The following DCAKD variants were observed in gnomAD, a reference collection of about 807,000 sequenced individuals.
DCAKD encodes the protein dephospho-CoA kinase domain-containing protein.
Under a neutral mutation model 18.7 loss-of-function variants are expected in DCAKD, and 15 were observed. That is an observed-to-expected ratio of 0.80 (90% CI 0.54 to 1.24). The LOEUF (loss-of-function observed/expected upper bound fraction) is 1.24, where lower values mean the gene tolerates loss of function less well. Among genes scored for constraint, DCAKD ranks in the 50% most tolerant of loss-of-function variants. The pLI is 0.00. For synonymous variants in DCAKD, 130 were observed against 133.0 expected (o/e 0.98, Z 0.16); for missense variants, 301 against 322.0 (o/e 0.93, Z 0.50).
At chr17:45,049,489 CTT>C (rs202044633) in intron 1 of DCAKD, among the ~76,000 whole-genome samples, 1 of 140,512 alleles carries the variant, frequency 7.1e-6, no homozygotes, top group Non-Finnish European at 1.6e-5. Context: ...AAAAGTGGTT[CTT>C]TTTTTTTTTT....
upstream of DCAKD, among the ~76,000 whole-genome samples, chr17:45,053,104 A>C (rs2053739429): frequency 1.5e-5 from 2 of 133,610 alleles, no homozygotes; most frequent in Admixed American, 1.6e-4. Flanking sequence ...TGGAGGTTGC[A>C]GTGAGCCCAA....
Position 45,031,737 on chromosome 17 carries a change from G to A in DCAKD, c.317-1558C>T, listed in dbSNP as rs1435389292. ...TCAGCTATTTGGTTCACCAGCAAAGGGCTATTCAGCTGTCACATCCCTCCT... is the reference window on the plus strand; with the variant it reads ...TCAGCTATTTGGTTCACCAGCAAAGAGCTATTCAGCTGTCACATCCCTCCT... On this transcript the variant is annotated intron_variant, in intron 3 of 4. Coordinates refer to ENST00000651974, the MANE Select transcript of DCAKD (RefSeq NM_001288655.2). 5.1e-6 allele frequency: 5 copies of A among 985,248 alleles called. No individual in the cohort carries two copies. In the East Asian group the frequency reaches 5.7e-4, roughly 112 times the overall value. 61.0% of individuals were successfully genotyped at this position (985,248 alleles called of 1,614,324 possible).
In DCAKD at chr17:45,024,422, T is replaced by G; in HGVS notation, c.*11A>C. ...GATGGAGGCCTGGGGCTCCCTGCCT[T>G]GAGTGCCCCACTAGGCGTAAGGCAG... On this transcript the variant is annotated 3_prime_UTR_variant, in exon 5 of 5. Transcript: ENST00000651974. 5 of 1,586,944 alleles carry G rather than the reference T, an allele frequency of 3.2e-6. No individual in the cohort carries two copies. The highest frequency in any genetic ancestry group is 4.3e-6 in the Non-Finnish European group (5 of 1,159,716).
intron 1 of DCAKD, among the ~76,000 whole-genome samples, chr17:45,042,062 G>C (rs1399105107): frequency 7.9e-5 from 12 of 152,022 alleles, no homozygotes. Flanking sequence ...GCTGCAGTGA[G>C]CCATGACTGT....
Position 45,041,401 on chromosome 17 carries a change from C to T in DCAKD, c.-114-6402G>A, listed in dbSNP as rs530789601. 2.1e-3 allele frequency among the ~76,000 whole-genome samples: 317 copies of T among 151,970 alleles called. 2 individuals are homozygous for T. Among genetic ancestry groups the T allele is most frequent in the African/African-American group, 7.3e-3 (303 of 41,464 alleles). ...ATCTCGGCTCACTGCAACTCCGCCT[C>T]CCGGGTTCACGCCATTCTGCTGCCT... On this transcript the variant is annotated intron_variant, in intron 1 of 4. Transcript: ENST00000651974.
chr17:45,036,418 A>G (rs1225779533), intron 1 of DCAKD, among the ~76,000 whole-genome samples: 1 of 152,202 alleles, frequency 6.6e-6, no homozygotes, highest in East Asian at 1.9e-4. Context: ...CGGGAGGCTG[A>G]GGCAGGAGAA....
chr17:45,058,281 C>A (rs1567856405), intron 1 of DCAKD, among the ~76,000 whole-genome samples: 2 of 152,120 alleles, frequency 1.3e-5, no homozygotes, highest in Admixed American at 6.6e-5. Flanking sequence ...CGCCATTGCA[C>A]TCCAGCGTAG....
chr17:45,048,235 GA>G (rs112754962), intron 1 of DCAKD, among the ~76,000 whole-genome samples: 146 of 140,738 alleles, frequency 1.0e-3, no homozygotes, highest in African/African-American at 2.0e-3. Flanking sequence ...CAAAAAAATG[GA>G]AAAAAAAAAA....
At chr17:45,037,242 G>T (rs1388735352) in intron 1 of DCAKD, among the ~76,000 whole-genome samples, 1 of 152,048 alleles carries the variant, frequency 6.6e-6, no homozygotes, top group Non-Finnish European at 1.5e-5. Flanking sequence ...GAGGCAGGAG[G>T]ATTGCTTGAG....
intron 1 of DCAKD, among the ~76,000 whole-genome samples, chr17:45,037,496 G>T (rs558484535): frequency 6.6e-6 from 1 of 151,580 alleles, no homozygotes; most frequent in Non-Finnish European, 1.5e-5. Context: ...CACTCTTGTC[G>T]TTGCCCAGGC....
chr17:45,040,283 A>C lies in DCAKD; in HGVS notation c.-114-5284T>G, dbSNP rs189010468. ...ATGCCTGTAATCCCAGCTACTCGGG[A>C]GACTGAGGCAGGAGAATTGCTTGAA... is the stretch of plus-strand genomic sequence containing the variant. On this transcript the variant is annotated intron_variant, in intron 1 of 4. Transcript: ENST00000651974. Among the ~76,000 whole-genome samples the C allele has an allele frequency of 4.3e-3, 656 of 151,244 alleles. 1 individual carries two copies. The highest frequency in any genetic ancestry group is 0.016 in the African/African-American group (640 of 41,214).
Position 45,035,008 on chromosome 17 carries a change from G to A in DCAKD, c.-114-9C>T. On this transcript the variant is annotated splice_polypyrimidine_tract_variant and intron_variant, in intron 1 of 4. Transcript: ENST00000651974. ...AGGAGTGCCAGAAGGACCTGCTTGG[G>A]AGAGGCCAGCGGGACTGATCAGTTT... 1 of 980,848 alleles carries A rather than the reference G, an allele frequency of 1.0e-6. No individual in the cohort carries two copies. Among genetic ancestry groups the A allele is most frequent in the Non-Finnish European group, 1.6e-6 (1 of 639,866 alleles). The allele number at this position is 980,848 out of a possible 1,614,324, so 60.8% of individuals were successfully genotyped here. A position where few individuals can be genotyped will look rare whatever the true frequency, so the allele number is the denominator to read the frequency against.
chr17:45,032,191 G>A (rs1057310900), intron 3 of DCAKD: 2 of 897,646 alleles, frequency 2.2e-6, no homozygotes, highest in South Asian at 1.0e-4. Context: ...TGGGGGACGG[G>A]AAGGACACTG....
chr17:45,034,519 G>T, intron 2 of DCAKD, 129 bp from the exon 3 acceptor site: 1 of 1,082,210 alleles, frequency 9.2e-7, no homozygotes, highest in Non-Finnish European at 1.3e-6. Flanking sequence ...GCAAAATGAG[G>T]GTAGAGAAAG....
At chr17:45,034,745 C>A (rs773364796) in intron 2 of DCAKD, 29 bp downstream of exon 2, 2 of 1,607,296 alleles carry the variant, frequency 1.2e-6, no homozygotes, top group Admixed American at 3.4e-5. Context: ...CTGCTGTGCA[C>A]GGCCCCCCAA....
intron 3 of DCAKD, among the ~76,000 whole-genome samples, chr17:45,032,369 T>C (rs1229038249): frequency 2.0e-5 from 3 of 150,740 alleles, no homozygotes; most frequent in Non-Finnish European, 4.4e-5. Flanking sequence ...GTCAGCATCA[T>C]GGATGTCTGT....
intron 3 of DCAKD, chr17:45,031,961 A>C: frequency 5.1e-6 from 5 of 985,434 alleles, no homozygotes; most frequent in Non-Finnish European, 6.0e-6. Flanking sequence ...ATCGAGCTCA[A>C]AAGGGCTCTC....
At chr17:45,025,234 C>G (rs770156133) in intron 4 of DCAKD, among the ~76,000 whole-genome samples, 1 of 152,084 alleles carries the variant, frequency 6.6e-6, no homozygotes, top group Non-Finnish European at 1.5e-5. Context: ...CTTGGGCCAT[C>G]ACAGAGACCC....
chr17:45,035,001 T>C lies in DCAKD; in HGVS notation c.-116A>G, dbSNP rs1003187575. On this transcript the variant is annotated splice_region_variant and 5_prime_UTR_variant, in exon 2 of 5. Transcript: ENST00000310604. ...CCACCAGAGGAGTGCCAGAAGGACCTGCTTGGGAGAGGCCAGCGGGACTGA... is the reference window on the plus strand; with the variant it reads ...CCACCAGAGGAGTGCCAGAAGGACCCGCTTGGGAGAGGCCAGCGGGACTGA... 4.7e-6 allele frequency: 5 copies of C among 1,070,626 alleles called. No individual in the cohort carries two copies. In the African/African-American group the frequency reaches 7.8e-5, roughly 17 times the overall value. 66.3% of individuals were successfully genotyped at this position (1,070,626 alleles called of 1,614,324 possible).
Sources: gnomAD v4.1 joint callset for allele counts (sites outside exome capture counted in the v4.1 genomes callset) on GRCh38, gnomAD v4.1.1 for gene constraint, MANE v1.5 for transcripts, NCBI Gene and HGNC (gene_info 2026-07-23, HGNC 2026-07-21) for gene names.